Variants in FER observed in about 807,000 individuals in gnomAD.
FER encodes the protein tyrosine-protein kinase Fer.
Under a neutral mutation model 111.0 loss-of-function variants are expected in FER, and 63 were observed. The observed-to-expected ratio is 0.57, with a 90% CI of 0.46 to 0.70. FER has a LOEUF of 0.70. Among genes scored for constraint, FER ranks in the 30% least tolerant of loss-of-function variants. The pLI, the probability that FER is intolerant of heterozygous loss-of-function variation, is 0.00. For synonymous variants in FER, 327 were observed against 313.9 expected, an observed-to-expected ratio of 1.04 and a Z score of -0.44; for missense variants, 914 against 954.0, an observed-to-expected ratio of 0.96 and a Z score of 0.55.
intron 18 of FER, among the ~76,000 whole-genome samples, chr5:109,181,215 A>G (rs1186131537): frequency 2.6e-5 from 4 of 152,124 alleles, no homozygotes; most frequent in Non-Finnish European, 4.4e-5. Flanking sequence ...GCTCTGGACC[A>G]TTTCTTTCGA....
intron 16 of FER, chr5:109,052,430 G>A (rs1458914318): frequency 4.0e-6 from 6 of 1,483,706 alleles, no homozygotes; most frequent in Non-Finnish European, 5.6e-6. Context: ...TTGTCAAGGA[G>A]TTTGCCTAAA....
At chr5:108,957,472 G>A (rs1166903378) in intron 12 of FER, among the ~76,000 whole-genome samples, 1 of 151,546 alleles carries the variant, frequency 6.6e-6, no homozygotes, top group Non-Finnish European at 1.5e-5. Flanking sequence ...GCAAGGATGT[G>A]GAGAAAAGGG....
chr5:108,803,939 G>T lies in FER; in HGVS notation c.207+5550G>T, dbSNP rs575466406. Among the ~76,000 whole-genome samples, 15 of 152,236 alleles carry T rather than the reference G, an allele frequency of 9.9e-5. No individual in the cohort carries two copies. In the South Asian group the frequency reaches 1.5e-3, roughly 15 times the overall value. On this transcript the variant is annotated intron_variant, in intron 3 of 19. Coordinates refer to ENST00000281092, the MANE Select transcript of FER (RefSeq NM_005246.4). ...GCTTTGGGCTGTATGGGCATTTAAT[G>T]ATATTGATTCTTTCAGACCGTCCGC...
intron 16 of FER, among the ~76,000 whole-genome samples, chr5:109,076,131 ATTCT>A (rs777638891): frequency 1.4e-4 from 22 of 152,236 alleles, no homozygotes; most frequent in African/African-American, 2.6e-4. Context: ...TTTTATGGCT[ATTCT>A]TTCTAAGAAT....
At chr5:109,092,585 C>T (rs1433566669) in intron 16 of FER, among the ~76,000 whole-genome samples, 1 of 151,904 alleles carries the variant, frequency 6.6e-6, no homozygotes, top group East Asian at 1.9e-4. Flanking sequence ...TTAGGATGGC[C>T]ACTATAAAAA....
chr5:108,891,731 T>C (rs1446505594), intron 9 of FER, among the ~76,000 whole-genome samples: 5 of 151,944 alleles, frequency 3.3e-5, no homozygotes. Flanking sequence ...TAGTTACATA[T>C]GTATACATGT....
At chr5:108,776,043 T>G (rs1037729654) in intron 2 of FER, among the ~76,000 whole-genome samples, 2 of 152,230 alleles carry the variant, frequency 1.3e-5, no homozygotes, top group Non-Finnish European at 2.9e-5. Flanking sequence ...GGAAATACCT[T>G]ATGATAATTC....
chr5:108,857,770 A>G (rs1310021480), intron 5 of FER, among the ~76,000 whole-genome samples: 1 of 152,076 alleles, frequency 6.6e-6, no homozygotes, highest in East Asian at 1.9e-4. Flanking sequence ...GAACTCACAG[A>G]TTCTGATTTT....
At chr5:109,071,017 A>T (rs1775703629) in intron 16 of FER, among the ~76,000 whole-genome samples, 1 of 151,980 alleles carries the variant, frequency 6.6e-6, no homozygotes, top group Non-Finnish European at 1.5e-5. Context: ...TCTATATTGT[A>T]TTTTCTATAA....
At chr5:108,939,691 C>T (rs1407724530) in intron 10 of FER, among the ~76,000 whole-genome samples, 1 of 151,954 alleles carries the variant, frequency 6.6e-6, no homozygotes, top group Non-Finnish European at 1.5e-5. Context: ...AATATTATAA[C>T]CACCATCTTT....
At chr5:108,946,308 G>T (rs1756978857) in intron 11 of FER, 86 bp downstream of exon 11, 10 of 846,532 alleles carry the variant, frequency 1.2e-5, no homozygotes, top group Non-Finnish European at 1.7e-5. Context: ...ATATATGTGT[G>T]TGTGTGTGTA....
intron 17 of FER, among the ~76,000 whole-genome samples, chr5:109,122,257 A>G (rs1291054542): frequency 6.6e-6 from 1 of 152,058 alleles, no homozygotes; most frequent in South Asian, 2.1e-4. Context: ...TACAGGTTTT[A>G]GTATGTTGTG....
intron 18 of FER, among the ~76,000 whole-genome samples, chr5:109,185,516 T>G (rs963018839): frequency 6.6e-6 from 1 of 152,216 alleles, no homozygotes; most frequent in African/African-American, 2.4e-5. Context: ...GAATCCAACT[T>G]GGTTAATCTC....
chr5:109,048,755 A>G (rs1480060418), intron 16 of FER, among the ~76,000 whole-genome samples: 1 of 152,098 alleles, frequency 6.6e-6, no homozygotes, highest in Non-Finnish European at 1.5e-5. Context: ...CAGTTTTTAA[A>G]TTTTTTTCCA....
intron 5 of FER, among the ~76,000 whole-genome samples, chr5:108,862,213 T>G (rs1185398682): frequency 6.6e-6 from 1 of 152,320 alleles, no homozygotes; most frequent in East Asian, 1.9e-4. Flanking sequence ...TGACCATTGG[T>G]AAGCTGTTGG....
intron 2 of FER, 67 bp from the exon 3 acceptor site, chr5:108,798,056 AC>A: frequency 1.7e-6 from 1 of 574,382 alleles, no homozygotes; most frequent in Non-Finnish European, 2.9e-6. Flanking sequence ...ATCTATCATA[AC>A]TTTTTTTTTT....
At chr5:108,765,320 AG>A (rs1752200242) in intron 1 of FER, among the ~76,000 whole-genome samples, 1 of 152,270 alleles carries the variant, frequency 6.6e-6, no homozygotes, top group African/African-American at 2.4e-5. Flanking sequence ...TCAATATCAA[AG>A]AAAAATGCTT....
chr5:108,889,904 AT>A (rs1747770828), intron 9 of FER, among the ~76,000 whole-genome samples: 1 of 152,124 alleles, frequency 6.6e-6, no homozygotes, highest in South Asian at 2.1e-4. Flanking sequence ...TTTTGAGATC[AT>A]TATGGATTGA....
intron 1 of FER, among the ~76,000 whole-genome samples, chr5:108,752,201 A>G (rs766870872): frequency 7.2e-5 from 11 of 151,832 alleles, no homozygotes; most frequent in Admixed American, 3.9e-4. Context: ...CAAGGCTCCA[A>G]TTTTCCCTTC....
Sources: gnomAD v4.1 joint callset for allele counts (sites outside exome capture counted in the v4.1 genomes callset) on GRCh38, gnomAD v4.1.1 for gene constraint, MANE v1.5 for transcripts, NCBI Gene and HGNC (gene_info 2026-07-23, HGNC 2026-07-21) for gene names.